Variants in JAK2 observed in about 807,000 individuals in gnomAD.
JAK2 encodes tyrosine-protein kinase JAK2.
Under a neutral mutation model 139.3 loss-of-function variants are expected in JAK2, and 86 were observed. The ratio of observed to expected loss-of-function variants is 0.62; its 90% CI spans 0.52 to 0.74. JAK2 has a LOEUF of 0.74. Ranked by LOEUF, JAK2 falls within the 30% of genes least tolerant of loss-of-function variation. The pLI is 0.00. For synonymous variants in JAK2, 490 were observed against 437.7 expected (o/e 1.12, Z -1.49); for missense variants, 1,421 against 1,360.3 (o/e 1.04, Z -0.70).
chr9:4,996,811 A>T (rs1367275659), intron 2 of JAK2, among the ~76,000 whole-genome samples: 1 of 152,086 alleles, frequency 6.6e-6, no homozygotes, highest in African/African-American at 2.4e-5. Flanking sequence ...ATATACCTCC[A>T]TTGTAGTAAG....
chr9:4,990,960 G>A (rs1396066978), intron 2 of JAK2, among the ~76,000 whole-genome samples: 3 of 152,256 alleles, frequency 2.0e-5, no homozygotes, highest in African/African-American at 4.8e-5. Context: ...ATTGTCATTC[G>A]TCTGTATCGT....
rs73639260 is a variant in JAK2 at position 5,068,792 on chromosome 9, C to A, written c.1327-230C>A. On this transcript the variant is annotated intron_variant, in intron 10 of 24. Transcript: ENST00000381652. ...TGTTGCTATTAATTATCATTGCCTT[C>A]TTACATGCTTTTTCATAAAATCAAC... Among the ~76,000 whole-genome samples the A allele has an allele frequency of 2.6e-3, 397 of 152,296 alleles. 5 individuals carry two copies. Among genetic ancestry groups the A allele is most frequent in the African/African-American group, 9.0e-3 (376 of 41,558 alleles).
chr9:5,057,346 A>T (rs1281422731), intron 8 of JAK2, among the ~76,000 whole-genome samples: 1 of 151,760 alleles, frequency 6.6e-6, no homozygotes, highest in Non-Finnish European at 1.5e-5. Flanking sequence ...TTTTACTGTC[A>T]TTTTCCTCTT....
At chr9:5,007,224 G>A (rs1010564972) in intron 2 of JAK2, among the ~76,000 whole-genome samples, 7 of 151,744 alleles carry the variant, frequency 4.6e-5, no homozygotes, top group African/African-American at 1.2e-4. Context: ...CTTTCTTCTC[G>A]TCTTGTGTAT....
At chr9:5,025,751 C>CA (rs1254741076) in intron 3 of JAK2, among the ~76,000 whole-genome samples, 2 of 152,120 alleles carry the variant, frequency 1.3e-5, no homozygotes, top group Admixed American at 6.5e-5. Flanking sequence ...AAGCTTATCT[C>CA]AAACTCCTGA....
At chr9:5,111,478 TGAG>T (rs935633965) in intron 22 of JAK2, 2 of 381,536 alleles carry the variant, frequency 5.2e-6, no homozygotes, top group South Asian at 2.0e-5. Context: ...CCAGCTCAGG[TGAG>T]GAGTACGGTA....
At chr9:5,024,986 C>T (rs765182986) in intron 3 of JAK2, among the ~76,000 whole-genome samples, 3 of 152,068 alleles carry the variant, frequency 2.0e-5, no homozygotes, top group Admixed American at 6.5e-5. Context: ...AGGACATGGG[C>T]GTAGTGGGTG....
chr9:5,059,932 T>C (rs1818037051), intron 8 of JAK2, among the ~76,000 whole-genome samples: 1 of 152,216 alleles, frequency 6.6e-6, no homozygotes, highest in South Asian at 2.1e-4. Context: ...CTATAGATTC[T>C]AAGTCTTTTG....
intron 5 of JAK2, among the ~76,000 whole-genome samples, chr9:5,045,150 G>A (rs1163129676): frequency 2.0e-5 from 3 of 152,106 alleles, no homozygotes; most frequent in Non-Finnish European, 4.4e-5. Context: ...TTGTTTTTAT[G>A]TGCTGCTAGA....
At chr9:5,031,432 A>T (rs1355389707) in intron 4 of JAK2, among the ~76,000 whole-genome samples, 1 of 152,250 alleles carries the variant, frequency 6.6e-6, no homozygotes, top group East Asian at 1.9e-4. Context: ...ATATAGAAAC[A>T]TAATAATATG....
rs1257909301 is a variant in JAK2, at chr9:5,090,550, T to C, written c.2866T>C (p.Tyr956His). The C allele has an allele frequency of 6.3e-7, 1 of 1,587,398 alleles. No homozygotes were observed. Among genetic ancestry groups the C allele is most frequent in the Non-Finnish European group, 8.6e-7 (1 of 1,167,526 alleles). Residue 956 changes from tyrosine to histidine, a missense_variant, in exon 21 of 25, where the codon TAC becomes CAC. Tyr to His is a moderately conservative substitution (Grantham distance 83). Transcript: ENST00000381652. ...GATAGATCACATAAAACTTCTGCAG[T>C]ACACATCTCAGATATGCAAGGTAAC... Reference protein sequence around the residue: ...ERIDHIKLLQYTSQICKGMEY... With the variant: ...ERIDHIKLLQHTSQICKGMEY...
At position 5,054,827 on chromosome 9, in the gene JAK2, C is replaced by CGT. The variant is rs1245841376; in HGVS notation, c.880_881insTG (p.Gly294ValfsTer17). The CGT allele has an allele frequency of 6.2e-7, 1 of 1,611,870 alleles. No homozygotes were observed. The highest frequency in any genetic ancestry group is 1.3e-5 in the African/African-American group (1 of 74,680). Reference sequence around the variant, plus strand: ...TTGCAACCATTATAATAACTGGAAACGGTGGAATTCAGTGGTCAAGAGGGA... The same window carrying CGT: ...TTGCAACCATTATAATAACTGGAAACGTGGTGGAATTCAGTGGTCAAGAGGGA... On this transcript the variant is annotated frameshift_variant, in exon 7 of 25. Coordinates refer to ENST00000381652, the MANE Select transcript of JAK2 (RefSeq NM_004972.4). LOFTEE classifies it high-confidence loss of function. This position sits in a 1 kb window ranked among gnomAD's most constrained non-coding sequence, Gnocchi z 4.9.
At chr9:5,049,052 T>C (rs2130365072) in intron 5 of JAK2, among the ~76,000 whole-genome samples, 1 of 152,356 alleles carries the variant, frequency 6.6e-6, no homozygotes, top group East Asian at 1.9e-4. Flanking sequence ...GTTTCTCTCT[T>C]CTTCATTCTT....
chr9:5,083,936 A>G (rs1208619186), intron 19 of JAK2, among the ~76,000 whole-genome samples: 1 of 152,036 alleles, frequency 6.6e-6, no homozygotes, highest in African/African-American at 2.4e-5. Flanking sequence ...ATATCTTGCT[A>G]TTTTTCATAT....
intron 2 of JAK2, among the ~76,000 whole-genome samples, chr9:5,007,923 C>A (rs1821422693): frequency 6.6e-6 from 1 of 151,896 alleles, no homozygotes; most frequent in Non-Finnish European, 1.5e-5. Context: ...AGAACAGGGT[C>A]TCACTACATT....
chr9:5,111,308 C>T, intron 22 of JAK2: 1 of 463,454 alleles, frequency 2.2e-6, no homozygotes, highest in Non-Finnish European at 4.2e-6. Flanking sequence ...TGGCCCTCAG[C>T]AGCCCCGGAC....
intron 16 of JAK2, 46 bp downstream of exon 16, chr9:5,078,490 G>T (rs2130592636): frequency 4.7e-6 from 7 of 1,494,932 alleles, no homozygotes; most frequent in Non-Finnish European, 6.4e-6. Flanking sequence ...GCTTTACTTG[G>T]GCAGTGGTGT....
chr9:5,023,118 T>G (rs1822542006), intron 3 of JAK2, among the ~76,000 whole-genome samples: 1 of 152,190 alleles, frequency 6.6e-6, no homozygotes, highest in Admixed American at 6.5e-5. Context: ...TCCTTCTGTC[T>G]GTATTTTTGT....
chr9:5,075,889 G>A (rs1819276455), intron 14 of JAK2, among the ~76,000 whole-genome samples: 2 of 152,168 alleles, frequency 1.3e-5, no homozygotes, highest in African/African-American at 4.8e-5. Flanking sequence ...CATTCTAGAT[G>A]CCAGGAATAG....
Sources: allele counts gnomAD v4.1 joint callset (sites outside exome capture counted in the v4.1 genomes callset), GRCh38; gene constraint gnomAD v4.1.1; non-coding constraint Gnocchi (gnomAD v3.1); transcripts MANE v1.5; gene names NCBI Gene and HGNC (gene_info 2026-07-23, HGNC 2026-07-21).